The following GPC5 variants were observed in gnomAD, a reference collection of about 807,000 sequenced individuals.
GPC5 encodes glypican 5.
Under a neutral mutation model 53.9 loss-of-function variants are expected in GPC5, and 47 were observed. The observed-to-expected ratio is 0.87, with a 90% CI of 0.69 to 1.11. The LOEUF is 1.11. GPC5 is among the 50% of genes most tolerant of loss of function. The pLI, the probability that GPC5 is intolerant of heterozygous loss-of-function variation, is 0.00. For synonymous variants in GPC5, 286 were observed against 263.3 expected, an observed-to-expected ratio of 1.09 and a Z score of -0.84; for missense variants, 748 against 713.1, an observed-to-expected ratio of 1.05 and a Z score of -0.56.
At chr13:91,400,949 G>T (rs3848047) in intron 1 of GPC5, among the ~76,000 whole-genome samples, 1 of 152,150 alleles carries the variant, frequency 6.6e-6, no homozygotes, top group African/African-American at 2.4e-5. Flanking sequence ...GTTCCATGAC[G>T]ACAAGGAATC....
At chr13:92,432,264 T>G (rs1821084549) in intron 7 of GPC5, among the ~76,000 whole-genome samples, 2 of 151,864 alleles carry the variant, frequency 1.3e-5, no homozygotes, top group Admixed American at 1.3e-4. Flanking sequence ...TGTGAGAAAA[T>G]AAAGCTCTTT....
chr13:91,507,775 A>T (rs1210925184), intron 2 of GPC5, among the ~76,000 whole-genome samples: 1 of 152,200 alleles, frequency 6.6e-6, no homozygotes, highest in Non-Finnish European at 1.5e-5. Flanking sequence ...AGATACAAAC[A>T]TTCAGTCTAT....
chr13:92,437,504 T>C (rs1325205896), intron 7 of GPC5, among the ~76,000 whole-genome samples: 2 of 152,154 alleles, frequency 1.3e-5, no homozygotes, highest in African/African-American at 4.8e-5. Flanking sequence ...AAAAAATATG[T>C]AGTTGTACAT....
intron 7 of GPC5, among the ~76,000 whole-genome samples, chr13:92,154,386 A>G (rs889559330): frequency 2.0e-5 from 3 of 152,146 alleles, no homozygotes; most frequent in Non-Finnish European, 2.9e-5. Flanking sequence ...GGCAGATACT[A>G]TCAATACAAA....
At chr13:91,939,886 A>G (rs2039908890) in intron 6 of GPC5, among the ~76,000 whole-genome samples, 1 of 152,098 alleles carries the variant, frequency 6.6e-6, no homozygotes, top group East Asian at 1.9e-4. Context: ...TATAGTCCAA[A>G]CTTTTCTATC....
At chr13:91,977,442 A>G (rs1013201357) in intron 6 of GPC5, among the ~76,000 whole-genome samples, 1 of 152,202 alleles carries the variant, frequency 6.6e-6, no homozygotes. Context: ...TCAGCTCTGT[A>G]TCTATTTTAT....
chr13:92,285,214 C>T (rs2042945252), intron 7 of GPC5, among the ~76,000 whole-genome samples: 1 of 152,114 alleles, frequency 6.6e-6, no homozygotes, highest in African/African-American at 2.4e-5. Context: ...AGGAGGACTA[C>T]AAACCACTGT....
intron 7 of GPC5, chr13:92,339,923 A>C (rs577398736): frequency 1.3e-4 from 20 of 152,148 alleles, no homozygotes; most frequent in Non-Finnish European, 2.6e-4. Flanking sequence ...ATAAATGCAC[A>C]CACGTAAACT....
chr13:92,504,842 C>A (rs995629471), intron 7 of GPC5, among the ~76,000 whole-genome samples: 1 of 151,852 alleles, frequency 6.6e-6, no homozygotes, highest in African/African-American at 2.4e-5. Context: ...CTAAATTGAT[C>A]ATAGATGTAC....
chr13:91,655,705 C>T (rs2034828468), intron 2 of GPC5, among the ~76,000 whole-genome samples: 1 of 151,956 alleles, frequency 6.6e-6, no homozygotes, highest in Non-Finnish European at 1.5e-5. Flanking sequence ...AGGATGAGTT[C>T]TAAAACAATA....
At chr13:92,116,003 CACTT>C (rs1438960912) in intron 6 of GPC5, among the ~76,000 whole-genome samples, 1 of 152,110 alleles carries the variant, frequency 6.6e-6, no homozygotes, top group African/African-American at 2.4e-5. Context: ...GTAATCCTAG[CACTT>C]TGGGAGGCTG....
At chr13:92,440,096 T>G (rs1200023060) in intron 7 of GPC5, among the ~76,000 whole-genome samples, 1 of 152,158 alleles carries the variant, frequency 6.6e-6, no homozygotes, top group Admixed American at 6.5e-5. Context: ...CAAGACAATG[T>G]TTTCTTTTCA....
chr13:92,772,983 T>G (rs878950372), intron 7 of GPC5, among the ~76,000 whole-genome samples: 10 of 152,144 alleles, frequency 6.6e-5, no homozygotes, highest in African/African-American at 1.9e-4. Context: ...TAATAGTAAT[T>G]CCTGTTAAAA....
At chr13:91,862,686 C>G in intron 5 of GPC5, among the ~76,000 whole-genome samples, 1 of 152,070 alleles carries the variant, frequency 6.6e-6, no homozygotes, top group East Asian at 1.9e-4. Flanking sequence ...TACACACACA[C>G]ACAATACATG....
intron 7 of GPC5, among the ~76,000 whole-genome samples, chr13:92,254,187 C>G (rs1021749014): frequency 6.6e-6 from 1 of 151,984 alleles, no homozygotes; most frequent in Non-Finnish European, 1.5e-5. Context: ...GTTGGGTTTC[C>G]CCATTGGATG....
intron 7 of GPC5, among the ~76,000 whole-genome samples, chr13:92,555,480 T>C (rs967036752): frequency 6.6e-6 from 1 of 151,364 alleles, no homozygotes; most frequent in African/African-American, 2.4e-5. Context: ...CTTAATCTTA[T>C]AAACATATGC....
At chr13:92,784,142 G>T (rs1205826173) in intron 7 of GPC5, among the ~76,000 whole-genome samples, 2 of 152,080 alleles carry the variant, frequency 1.3e-5, no homozygotes, top group South Asian at 2.1e-4. Context: ...TTGACAATTT[G>T]GTTTCAAACA....
intron 7 of GPC5, among the ~76,000 whole-genome samples, chr13:92,331,846 A>G (rs1310094180): frequency 6.6e-6 from 1 of 152,122 alleles, no homozygotes; most frequent in Non-Finnish European, 1.5e-5. Context: ...TGAGTATTTT[A>G]CATGCTTACC....
intron 7 of GPC5, among the ~76,000 whole-genome samples, chr13:92,573,029 T>C (rs1270754531): frequency 6.6e-6 from 1 of 152,234 alleles, no homozygotes; most frequent in Non-Finnish European, 1.5e-5. Flanking sequence ...TCAATTTAAC[T>C]TTACCAATAA....
Sources: gnomAD v4.1 joint callset for allele counts (sites outside exome capture counted in the v4.1 genomes callset) on GRCh38, gnomAD v4.1.1 for gene constraint, MANE v1.5 for transcripts, NCBI Gene and HGNC (gene_info 2026-07-23, HGNC 2026-07-21) for gene names.